Variants in REPS1 observed in about 807,000 individuals in gnomAD.
The protein encoded by REPS1 is ralBP1-associated Eps domain-containing protein 1.
A neutral mutation model predicts 100.9 loss-of-function variants in REPS1; 39 were observed. The observed-to-expected ratio is 0.39, with a 90% CI of 0.30 to 0.50. The LOEUF (loss-of-function observed/expected upper bound fraction) is 0.50. REPS1 is among the 20% of genes least tolerant of loss of function. The pLI, the probability that REPS1 is intolerant of heterozygous loss-of-function variation, is 0.86. For synonymous variants in REPS1, 324 were observed against 340.3 expected, an observed-to-expected ratio of 0.95 and a Z score of 0.53; for missense variants, 821 against 968.5, an observed-to-expected ratio of 0.85 and a Z score of 2.02.
chr6:138,933,761 T>G (rs1781624554), intron 8 of REPS1, among the ~76,000 whole-genome samples: 1 of 152,226 alleles, frequency 6.6e-6, no homozygotes, highest in Admixed American at 6.5e-5. Flanking sequence ...GGATTTGTTA[T>G]TGCTTTTTTA....
Position 138,905,107 on chromosome 6 carries a change from A to G in REPS1, c.2348T>C (p.Leu783Pro). 1 of 1,613,482 alleles carries G rather than the reference A, an allele frequency of 6.2e-7. No homozygotes were observed. Among genetic ancestry groups the G allele is most frequent in the Non-Finnish European group, 8.5e-7 (1 of 1,179,408 alleles). Reference sequence around the variant, plus strand: ...TCGAAGTTGTTCCAGTTGAACTTCCAGGGAAATTCTCTCCTCAAGAACATC... The same window carrying G: ...TCGAAGTTGTTCCAGTTGAACTTCCGGGGAAATTCTCTCCTCAAGAACATC... ...LKDVLEERIS[L>P]EVQLEQLRPF... Residue 783 changes from leucine to proline, a missense_variant, in exon 20 of 20, where the codon CTG becomes CCG. Around this residue, in one of 3 missense-constraint regions of REPS1, gnomAD observed 757 missense variants for 866.4 expected, o/e 0.87. Coordinates refer to ENST00000450536, the MANE Select transcript of REPS1 (RefSeq NM_001286611.2).
chr6:138,918,596 C>CG (rs1562518095), intron 12 of REPS1, among the ~76,000 whole-genome samples: 1 of 151,966 alleles, frequency 6.6e-6, no homozygotes, highest in East Asian at 1.9e-4. Flanking sequence ...ACAATAAATA[C>CG]GTTACTTCTG....
chr6:138,964,546 A>T (rs952831887), intron 1 of REPS1, among the ~76,000 whole-genome samples: 14 of 152,064 alleles, frequency 9.2e-5, no homozygotes, highest in African/African-American at 3.4e-4. Context: ...TAAGTATGTT[A>T]ATTAACTCAA....
chr6:138,936,395 G>A (rs984273016), intron 8 of REPS1, among the ~76,000 whole-genome samples: 1 of 152,006 alleles, frequency 6.6e-6, no homozygotes, highest in Admixed American at 6.6e-5. Flanking sequence ...CACCCTCATA[G>A]AGTTTTTGCC....
At chr6:138,934,863 T>C (rs1471786107) in intron 8 of REPS1, among the ~76,000 whole-genome samples, 1 of 152,224 alleles carries the variant, frequency 6.6e-6, no homozygotes, top group Non-Finnish European at 1.5e-5. Context: ...TTGAAGAGTA[T>C]TATTCTTGTA....
chr6:138,926,376 C>A (rs773514609), intron 10 of REPS1, 25 bp downstream of exon 10: 1 of 1,548,862 alleles, frequency 6.5e-7, no homozygotes, highest in Non-Finnish European at 8.9e-7. Flanking sequence ...TAATCTCAAA[C>A]AAGCAAGCTA....
intron 16 of REPS1, among the ~76,000 whole-genome samples, chr6:138,912,020 C>G (rs2128429354): frequency 1.3e-5 from 2 of 152,162 alleles, no homozygotes; most frequent in South Asian, 2.1e-4. Context: ...CTCTACATGC[C>G]CACTCTGACC....
At chr6:138,984,145 T>C (rs1413588983) in intron 1 of REPS1, among the ~76,000 whole-genome samples, 1 of 150,806 alleles carries the variant, frequency 6.6e-6, no homozygotes, top group Non-Finnish European at 1.5e-5. Context: ...AGTGGCGCGA[T>C]CTTGGCTCAC....
intron 1 of REPS1, among the ~76,000 whole-genome samples, chr6:138,954,602 T>A (rs1452935241): frequency 2.0e-5 from 3 of 152,028 alleles, no homozygotes; most frequent in African/African-American, 7.2e-5. Flanking sequence ...CTGGGCCACA[T>A]GCAGCCAATG....
At chr6:138,941,526 C>T (rs748147883) in intron 7 of REPS1, 37 bp from the exon 8 acceptor site, 5 of 1,559,270 alleles carry the variant, frequency 3.2e-6, no homozygotes, top group Admixed American at 1.8e-5. Flanking sequence ...AATCACATTC[C>T]GCTTTGGATC....
chr6:138,986,120 CCTGAG>C (rs1015147792), intron 1 of REPS1, among the ~76,000 whole-genome samples: 8 of 152,266 alleles, frequency 5.3e-5, no homozygotes, highest in African/African-American at 1.9e-4. Context: ...TTTGTATCTC[CCTGAG>C]CTAAGAATGG....
intron 1 of REPS1, among the ~76,000 whole-genome samples, chr6:138,955,568 G>C (rs1372380683): frequency 2.0e-5 from 3 of 150,988 alleles, no homozygotes; most frequent in African/African-American, 7.3e-5. Flanking sequence ...TCTGTGGTCT[G>C]AGACAAGAGA....
chr6:138,947,234 G>C (rs1181010775), intron 2 of REPS1, among the ~76,000 whole-genome samples: 1 of 152,016 alleles, frequency 6.6e-6, no homozygotes, highest in Non-Finnish European at 1.5e-5. Flanking sequence ...TGTTAAAATG[G>C]ACTAATACAA....
chr6:138,981,163 G>A (rs1029548319), intron 1 of REPS1, among the ~76,000 whole-genome samples: 2 of 152,114 alleles, frequency 1.3e-5, no homozygotes, highest in African/African-American at 2.4e-5. Flanking sequence ...GAATCTCAAC[G>A]GAATCAACAG....
intron 1 of REPS1, among the ~76,000 whole-genome samples, chr6:138,974,875 A>G (rs1245949728): frequency 1.3e-5 from 2 of 152,110 alleles, no homozygotes; most frequent in Non-Finnish European, 2.9e-5. Context: ...CTGTAGTCCT[A>G]GCTACCTGGG....
intron 8 of REPS1, among the ~76,000 whole-genome samples, chr6:138,938,125 C>A (rs1162780323): frequency 6.6e-6 from 1 of 151,950 alleles, no homozygotes; most frequent in Non-Finnish European, 1.5e-5. Context: ...CAACAAAAAT[C>A]AAGTCTCCCT....
rs754688441 is a variant in REPS1, at chr6:138,944,118, G to A, written c.754-103C>T. On this transcript the variant is annotated intron_variant, in intron 5 of 19. Transcript: ENST00000450536. ...TTTGAAAGTAAAACTTGCTTTTTGT[G>A]TATATTTAAAATGTAAAACCACACA... 407 of 1,082,116 alleles carry A rather than the reference G, an allele frequency of 3.8e-4. 1 individual carries two copies. The highest frequency in any genetic ancestry group is 5.0e-4 in the Non-Finnish European group (372 of 736,810). The allele number at this position is 1,082,116 out of a possible 1,614,324, so 67.0% of individuals were successfully genotyped here. A position where few individuals can be genotyped will look rare whatever the true frequency, so the allele number is the denominator to read the frequency against.
At chr6:138,910,299 A>T (rs1779921134) in intron 17 of REPS1, among the ~76,000 whole-genome samples, 1 of 152,206 alleles carries the variant, frequency 6.6e-6, no homozygotes, top group Non-Finnish European at 1.5e-5. Flanking sequence ...GCTTCACAAG[A>T]AGCAGATGCT....
chr6:138,945,412 G>C, intron 3 of REPS1, 40 bp from the exon 4 acceptor site: 1 of 1,587,546 alleles, frequency 6.3e-7, no homozygotes, highest in Non-Finnish European at 8.6e-7. Context: ...ACTTTAAGGA[G>C]ACATTTTAAT....
Sources: gnomAD v4.1 joint callset for allele counts (sites outside exome capture counted in the v4.1 genomes callset) on GRCh38, gnomAD v4.1.1 for gene constraint, gnomAD v4.1.1 regional missense constraint, MANE v1.5 for transcripts, NCBI Gene and HGNC (gene_info 2026-07-23, HGNC 2026-07-21) for gene names.